Variants in OTOGL observed in about 807,000 individuals in gnomAD.
OTOGL encodes the protein otogelin like.
A neutral mutation model predicts 318.5 loss-of-function variants in OTOGL; 285 were observed. The ratio of observed to expected loss-of-function variants is 0.89; its 90% confidence interval spans 0.81 to 0.99. OTOGL has a LOEUF of 0.99. Among genes scored for constraint, OTOGL ranks in the 50% least tolerant of loss-of-function variants. The pLI is 0.00. For missense variants in OTOGL, 2,899 were observed against 2,845.6 expected (o/e 1.02, Z -0.43); for synonymous variants, 987 against 936.5 (o/e 1.05, Z -0.99).
chr12:80,146,760 T>G (rs1872395208), intron 1 of OTOGL, among the ~76,000 whole-genome samples: 1 of 151,510 alleles, frequency 6.6e-6, no homozygotes, highest in African/African-American at 2.4e-5. Context: ...TATTCAGAGA[T>G]TCAACTTCTT....
intron 1 of OTOGL, among the ~76,000 whole-genome samples, chr12:80,116,914 T>C (rs1404907813): frequency 1.3e-5 from 2 of 152,244 alleles, no homozygotes; most frequent in Non-Finnish European, 2.9e-5. Context: ...TCAGCTTCCC[T>C]GAACTTTGGT....
intron 44 of OTOGL, among the ~76,000 whole-genome samples, chr12:80,346,830 A>G (rs562081094): frequency 6.6e-6 from 1 of 152,272 alleles, no homozygotes; most frequent in African/African-American, 2.4e-5. Flanking sequence ...TTTAAGGACC[A>G]ATTAGATGTT....
intron 26 of OTOGL, among the ~76,000 whole-genome samples, chr12:80,280,521 T>C (rs11114383): frequency 0.99 from 151,271 of 152,068 alleles, 75,244 homozygotes; most frequent in Middle Eastern, 1. Flanking sequence ...TATGGCTAGC[T>C]GGTTATCCCA....
intron 18 of OTOGL, among the ~76,000 whole-genome samples, chr12:80,260,228 C>G (rs910093067): frequency 1.3e-5 from 2 of 152,074 alleles, no homozygotes; most frequent in Non-Finnish European, 2.9e-5. Flanking sequence ...TATCTTGTCT[C>G]CTTGTCTTCC....
chr12:80,275,092 CTTA>C (rs1165871346), intron 24 of OTOGL, among the ~76,000 whole-genome samples: 1 of 151,848 alleles, frequency 6.6e-6, no homozygotes, highest in African/African-American at 2.4e-5. Context: ...ACTTTAAAGT[CTTA>C]TTATTTAGGA....
At chr12:80,220,027 C>A (rs1481941393) in intron 6 of OTOGL, 115 bp downstream of exon 6, 7 of 747,824 alleles carry the variant, frequency 9.4e-6, no homozygotes, top group Non-Finnish European at 1.5e-5. Flanking sequence ...AGAGAGCCCA[C>A]AATTCATTCT....
At chr12:80,322,484 C>T (rs577697056) in intron 34 of OTOGL, among the ~76,000 whole-genome samples, 3 of 152,252 alleles carry the variant, frequency 2.0e-5, no homozygotes, top group South Asian at 4.2e-4. Context: ...ATGCGTGAGA[C>T]GAGTAACTCA....
At chr12:80,219,141 T>C (rs531375063) in intron 5 of OTOGL, among the ~76,000 whole-genome samples, 7 of 152,212 alleles carry the variant, frequency 4.6e-5, no homozygotes, top group African/African-American at 1.7e-4. Flanking sequence ...AGACAGAGTC[T>C]AGCTCTGTTA....
At chr12:80,260,096 G>A (rs964363617) in intron 18 of OTOGL, among the ~76,000 whole-genome samples, 2 of 152,044 alleles carry the variant, frequency 1.3e-5, no homozygotes, top group Non-Finnish European at 2.9e-5. Flanking sequence ...AACTAGCATA[G>A]AACCTCACAT....
chr12:80,294,206 A>C (rs1377561775), intron 26 of OTOGL, among the ~76,000 whole-genome samples: 1 of 152,076 alleles, frequency 6.6e-6, no homozygotes, highest in Non-Finnish European at 1.5e-5. Context: ...GAAAGTATAG[A>C]AATGTGACTT....
rs200026457 is a variant in OTOGL, at chr12:80,321,597, TA to T, written c.4081+906del. On this transcript the variant is annotated intron_variant, in intron 34 of 58. Coordinates refer to ENST00000547103, the MANE Select transcript of OTOGL (RefSeq NM_001378609.3). ...TAATAAAAAATAAAAAAATAAAAAA[TA>T]AAAAAAAATTTTACCTATTGAATAC... Among the ~76,000 whole-genome samples the T allele has an allele frequency of 2.1e-3, 316 of 151,520 alleles. 1 individual carries two copies. Among genetic ancestry groups the T allele is most frequent in the Non-Finnish European group, 3.1e-3 (209 of 67,826 alleles).
intron 37 of OTOGL, 141 bp downstream of exon 37, chr12:80,329,260 T>C: frequency 1.6e-6 from 1 of 631,566 alleles, no homozygotes. Context: ...TTTTGCTTCA[T>C]TAAGCTTGTC....
chr12:80,148,741 C>T, intron 1 of OTOGL, among the ~76,000 whole-genome samples: 1 of 152,168 alleles, frequency 6.6e-6, no homozygotes, highest in Non-Finnish European at 1.5e-5. Context: ...TTCTTGGAGG[C>T]TTTGCTCATT....
rs1889680010 is a variant in OTOGL at position 80,353,407 on chromosome 12, T to C, written c.5490T>C (p.Tyr1830=). The C allele has an allele frequency of 1.9e-6, 3 of 1,603,614 alleles. No individual in the cohort carries two copies. In the East Asian group the frequency reaches 6.7e-5, roughly 36 times the overall value. The change falls in exon 46 of 59, where the codon TAT becomes TAC. Residue 1830 remains tyrosine, a synonymous_variant. Transcript: ENST00000547103. ...GAACATGCCTGAACCAATGGTTCTA[T>C]GGACACACTTCCTGTTTGAATCTAA... ...EARTCLNQWF[Y]GHTSCLNLRE... is the part of the protein sequence containing the mutation.
chr12:80,202,247 T>C (rs1439792710), intron 1 of OTOGL, among the ~76,000 whole-genome samples: 1 of 150,428 alleles, frequency 6.6e-6, no homozygotes, highest in Non-Finnish European at 1.5e-5. Flanking sequence ...TTATCTGTCC[T>C]CTTGTCTAGT....
intron 11 of OTOGL, among the ~76,000 whole-genome samples, chr12:80,244,962 C>G (rs1469199059): frequency 2.7e-5 from 4 of 148,804 alleles, no homozygotes; most frequent in Non-Finnish European, 5.9e-5. Context: ...GCATAAATGT[C>G]TTCTTTTGAG....
chr12:80,349,768 G>GT (rs371077904), intron 44 of OTOGL, among the ~76,000 whole-genome samples: 2 of 152,042 alleles, frequency 1.3e-5, no homozygotes, highest in African/African-American at 2.4e-5. Context: ...AAATCTTAGG[G>GT]TTTTTTTCTG....
rs1442308736 is a variant in OTOGL at position 80,339,173 on chromosome 12, A to G, written c.4959A>G (p.Gly1653=). The G allele has an allele frequency of 6.2e-7, 1 of 1,611,230 alleles. No individual in the cohort carries two copies. Among genetic ancestry groups the G allele is most frequent in the East Asian group, 2.2e-5 (1 of 44,836 alleles). ...TGTATGTAATTACTACTCCAGCTGG[A>G]CTAATCATAAAGTGGTCTCATCTTA... is the stretch of plus-strand genomic sequence containing the variant. ...GSMYVITTPA[G]LIIKWSHLTG... Residue 1653 remains glycine (G), a synonymous_variant, in exon 43 of 59, where the codon GGA becomes GGG. Coordinates refer to ENST00000547103, the MANE Select transcript of OTOGL (RefSeq NM_001378609.3).
At chr12:80,234,204 C>T (rs954606880) in intron 9 of OTOGL, among the ~76,000 whole-genome samples, 2 of 152,108 alleles carry the variant, frequency 1.3e-5, no homozygotes, top group Non-Finnish European at 2.9e-5. Flanking sequence ...CAGGTGCACC[C>T]TTGCACTCAG....
Sources: allele counts gnomAD v4.1 joint callset (sites outside exome capture counted in the v4.1 genomes callset), GRCh38; gene constraint gnomAD v4.1.1; transcripts MANE v1.5; gene names NCBI Gene and HGNC (gene_info 2026-07-23, HGNC 2026-07-21).